Variants in SNTG1 observed in about 807,000 individuals in gnomAD.
The protein encoded by SNTG1 is syntrophin gamma 1, also known as gamma-1-syntrophin.
Under a neutral mutation model 74.7 loss-of-function variants are expected in SNTG1, and 39 were observed. The ratio of observed to expected loss-of-function variants is 0.52; its 90% CI spans 0.40 to 0.68. SNTG1 has a LOEUF of 0.68. Among genes scored for constraint, SNTG1 ranks in the 30% least tolerant of loss-of-function variants. The probability of loss-of-function intolerance (pLI) is 0.00; values close to 1 mark genes in which losing one functional copy is unlikely to be tolerated. For missense variants in SNTG1, 685 were observed against 609.5 expected (o/e 1.12, Z -1.30); for synonymous variants, 254 against 217.1 (o/e 1.17, Z -1.49).
intron 2 of SNTG1, among the ~76,000 whole-genome samples, chr8:50,351,006 G>T (rs2091642911): frequency 6.6e-6 from 1 of 152,148 alleles, no homozygotes; most frequent in Admixed American, 6.5e-5. Flanking sequence ...CACTCTTTGG[G>T]TCCACACTGC....
At chr8:50,240,471 G>GTTT in intron 2 of SNTG1, among the ~76,000 whole-genome samples, 1 of 152,134 alleles carries the variant, frequency 6.6e-6, no homozygotes, top group South Asian at 2.1e-4. Context: ...TAAATTTTAC[G>GTTT]AACCATCATG....
At chr8:50,524,156 A>ACCT (rs2094202151) in intron 9 of SNTG1, among the ~76,000 whole-genome samples, 1 of 152,048 alleles carries the variant, frequency 6.6e-6, no homozygotes, top group Non-Finnish European at 1.5e-5. Flanking sequence ...CTGTGACTCT[A>ACCT]ATAGGTATTG....
chr8:49,994,515 T>C (rs943298406), intron 1 of SNTG1, among the ~76,000 whole-genome samples: 1 of 151,678 alleles, frequency 6.6e-6, no homozygotes, highest in African/African-American at 2.4e-5. Flanking sequence ...TCCACCTGCC[T>C]TGGCCTCCCA....
At chr8:50,235,028 A>G (rs2085817624) in intron 2 of SNTG1, among the ~76,000 whole-genome samples, 1 of 152,164 alleles carries the variant, frequency 6.6e-6, no homozygotes, top group Admixed American at 6.5e-5. Context: ...GAAAGAATCA[A>G]GGTTAGCTTG....
At chr8:50,477,410 GA>G (rs767638906) in intron 8 of SNTG1, among the ~76,000 whole-genome samples, 3 of 150,802 alleles carry the variant, frequency 2.0e-5, no homozygotes, top group African/African-American at 4.9e-5. Flanking sequence ...CTAATTATGA[GA>G]AAAAAAATCA....
intron 15 of SNTG1, among the ~76,000 whole-genome samples, chr8:50,689,868 C>T (rs2095369848): frequency 6.6e-6 from 1 of 152,130 alleles, no homozygotes; most frequent in Non-Finnish European, 1.5e-5. Flanking sequence ...GCTGTGAATC[C>T]ATTTGGTCCT....
intron 18 of SNTG1, among the ~76,000 whole-genome samples, chr8:50,769,005 G>T (rs1392980713): frequency 6.6e-6 from 1 of 151,920 alleles, no homozygotes; most frequent in Non-Finnish European, 1.5e-5. Context: ...CCTTAGAAGA[G>T]ATTTTAAACT....
At chr8:49,910,638 G>A (rs537770742), upstream of SNTG1, among the ~76,000 whole-genome samples, 1 of 152,232 alleles carries the variant, frequency 6.6e-6, no homozygotes, top group East Asian at 1.9e-4. Context: ...CTTTATGCTC[G>A]TTGTCAGCCA....
In SNTG1 at chr8:50,488,123, C is replaced by A. The variant is rs2093815223; in HGVS notation, c.364-14655C>A. Among the ~76,000 whole-genome samples, 3 of 152,046 alleles carry A rather than the reference C, an allele frequency of 2.0e-5. No homozygotes were observed. In the South Asian group the frequency reaches 6.2e-4, roughly 31 times the overall value. ...AGAGTCTTCCTTCTCAGAACTAGGG[C>A]TGCGAAGTGGTGCTGTGCAGCTGGG... On this transcript the variant is annotated intron_variant, in intron 8 of 18. Transcript: ENST00000642720.
rs569597810 is a variant in SNTG1 at position 50,569,697 on chromosome 8, G to T, written c.810+16518G>T. Reference sequence around the variant, plus strand: ...CTGTGATTAGAGGTTGTGGAGTGTGGTGCTGACAGGCATGGGTGTCACTGA... The same window carrying T: ...CTGTGATTAGAGGTTGTGGAGTGTGTTGCTGACAGGCATGGGTGTCACTGA... On this transcript the variant is annotated intron_variant, in intron 12 of 18. Coordinates refer to ENST00000642720, the MANE Select transcript of SNTG1 (RefSeq NM_018967.5). Among the ~76,000 whole-genome samples, 26 of 152,328 alleles carry T rather than the reference G, an allele frequency of 1.7e-4. No individual in the cohort carries two copies. In the South Asian group the frequency reaches 2.3e-3, roughly 13 times the overall value.
At chr8:50,766,772 A>C (rs2095614945) in intron 18 of SNTG1, among the ~76,000 whole-genome samples, 1 of 151,928 alleles carries the variant, frequency 6.6e-6, no homozygotes, top group Non-Finnish European at 1.5e-5. Context: ...ATGTCCTCCC[A>C]TGCATCCAAG....
intron 2 of SNTG1, among the ~76,000 whole-genome samples, chr8:50,366,312 G>A (rs1436343057): frequency 1.3e-5 from 2 of 152,292 alleles, no homozygotes; most frequent in East Asian, 3.9e-4. Flanking sequence ...ATCACAGAGT[G>A]AGTCAGCACA....
chr8:50,256,727 A>C (rs1363426239), intron 2 of SNTG1, among the ~76,000 whole-genome samples: 1 of 152,104 alleles, frequency 6.6e-6, no homozygotes, highest in African/African-American at 2.4e-5. Context: ...TAAGAAATCA[A>C]TGGACAGACC....
At chr8:50,145,096 G>A (rs2081809842) in intron 1 of SNTG1, among the ~76,000 whole-genome samples, 1 of 152,126 alleles carries the variant, frequency 6.6e-6, no homozygotes, top group Non-Finnish European at 1.5e-5. Flanking sequence ...CTTCAGGAAT[G>A]ATGGCAATGC....
At chr8:50,133,244 T>C (rs1428526448) in intron 1 of SNTG1, among the ~76,000 whole-genome samples, 2 of 152,186 alleles carry the variant, frequency 1.3e-5, no homozygotes, top group Non-Finnish European at 2.9e-5. Flanking sequence ...AGTATTGCCT[T>C]TCCTTCCTTT....
At chr8:50,196,674 A>C (rs1199165569) in intron 2 of SNTG1, among the ~76,000 whole-genome samples, 1 of 151,998 alleles carries the variant, frequency 6.6e-6, no homozygotes, top group Non-Finnish European at 1.5e-5. Flanking sequence ...AGTAGCATAT[A>C]GGCTGGGAGT....
chr8:49,997,588 C>T (rs1814348769), intron 1 of SNTG1, among the ~76,000 whole-genome samples: 1 of 152,062 alleles, frequency 6.6e-6, no homozygotes, highest in Non-Finnish European at 1.5e-5. Context: ...AATAAACACT[C>T]ATCTTAGTGA....
At chr8:50,376,752 T>TAGAGAGAGAGAGAG (rs1209571081) in intron 2 of SNTG1, among the ~76,000 whole-genome samples, 4 of 100,810 alleles carry the variant, frequency 4.0e-5, no homozygotes, top group Non-Finnish European at 8.8e-5. Context: ...TATATATATA[T>TAGAGAGAGAGAGAG]ATATAGAGAG....
At chr8:50,335,727 C>A (rs1194143731) in intron 2 of SNTG1, among the ~76,000 whole-genome samples, 1 of 152,148 alleles carries the variant, frequency 6.6e-6, no homozygotes, top group Admixed American at 6.5e-5. Context: ...CAAGAACACT[C>A]TTACACCACC....
Sources: allele counts gnomAD v4.1 joint callset (sites outside exome capture counted in the v4.1 genomes callset), GRCh38; gene constraint gnomAD v4.1.1; transcripts MANE v1.5; gene names NCBI Gene and HGNC (gene_info 2026-07-23, HGNC 2026-07-21).